The following HDX variants were observed in gnomAD, a reference collection of about 807,000 sequenced individuals.
HDX encodes chromosome X open reading frame 43.
Under a neutral mutation model 45.2 loss-of-function variants are expected in HDX, and 19 were observed. That is an observed-to-expected ratio of 0.42 (90% CI 0.29 to 0.62). The LOEUF (loss-of-function observed/expected upper bound fraction) is 0.62. HDX is among the 20% of genes least tolerant of loss of function. HDX has a pLI of 0.20. For missense variants in HDX, 532 were observed against 493.9 expected (o/e 1.08, Z -0.73); for synonymous variants, 188 against 172.8 (o/e 1.09, Z -0.69).
chrX:84,481,003 G>A (rs895599054), intron 2 of HDX, among the ~76,000 whole-genome samples: 20 of 111,240 alleles, frequency 1.8e-4, no homozygotes, highest in South Asian at 3.7e-4. Flanking sequence ...TTTGAAGTAC[G>A]AATTACATTT....
At chrX:84,353,700 C>T (rs2037411879) in intron 6 of HDX, among the ~76,000 whole-genome samples, 1 of 111,266 alleles carries the variant, frequency 9.0e-6, no homozygotes, top group Admixed American at 9.6e-5. Flanking sequence ...TTGTTACTGG[C>T]AGAGATTAGA....
intron 4 of HDX, among the ~76,000 whole-genome samples, chrX:84,454,911 A>G (rs2040080116): frequency 9.1e-6 from 1 of 110,434 alleles, no homozygotes; most frequent in African/African-American, 3.3e-5. Flanking sequence ...AAGGGAAGAG[A>G]ACAAGAGTCT....
intron 5 of HDX, among the ~76,000 whole-genome samples, chrX:84,407,634 T>C (rs1402758274): frequency 9.0e-6 from 1 of 111,730 alleles, no homozygotes; most frequent in East Asian, 2.8e-4. Context: ...AGAAATCATC[T>C]AATTGCTTTC....
chrX:84,430,941 G>C (rs1305067689), intron 5 of HDX, among the ~76,000 whole-genome samples: 1 of 110,116 alleles, frequency 9.1e-6, no homozygotes, highest in Non-Finnish European at 1.9e-5. Context: ...TATCACAGGG[G>C]TTTAGAGTAC....
At chrX:84,344,613 A>T in intron 6 of HDX, among the ~76,000 whole-genome samples, 156 bp from the exon 7 acceptor site, 1 of 111,586 alleles carries the variant, frequency 9.0e-6, no homozygotes, top group African/African-American at 3.3e-5. Flanking sequence ...CGCTAAAATA[A>T]AAATAATTGT....
chrX:84,490,783 T>C (rs2040878519), intron 1 of HDX, among the ~76,000 whole-genome samples: 1 of 111,423 alleles, frequency 9.0e-6, no homozygotes, highest in Non-Finnish European at 1.9e-5. Flanking sequence ...GTTACATATG[T>C]ATACTTTTAT....
chrX:84,333,069 GA>G (rs1309872776), intron 9 of HDX, among the ~76,000 whole-genome samples: 2 of 111,562 alleles, frequency 1.8e-5, no homozygotes, highest in East Asian at 5.7e-4. Context: ...TTTTGTGTAT[GA>G]AAAGGACTGT....
chrX:84,481,769 A>G (rs1426905458), intron 2 of HDX, among the ~76,000 whole-genome samples: 1 of 111,069 alleles, frequency 9.0e-6, no homozygotes, highest in Non-Finnish European at 1.9e-5. Flanking sequence ...TTACTTGGGT[A>G]TATTGGGTGA....
chrX:84,457,029 A>G (rs1021605093), intron 4 of HDX, among the ~76,000 whole-genome samples: 3 of 111,758 alleles, frequency 2.7e-5, no homozygotes, highest in Non-Finnish European at 5.7e-5. Flanking sequence ...AATAAATCTA[A>G]TAGTTATTTA....
intron 5 of HDX, among the ~76,000 whole-genome samples, chrX:84,438,180 C>A (rs1177955560): frequency 9.0e-6 from 1 of 110,811 alleles, no homozygotes; most frequent in Non-Finnish European, 1.9e-5. Flanking sequence ...TCCTCTAATT[C>A]CTGGAGTCCC....
intron 6 of HDX, among the ~76,000 whole-genome samples, chrX:84,345,468 A>C (rs1303357293): frequency 9.0e-6 from 1 of 111,460 alleles, no homozygotes; most frequent in Non-Finnish European, 1.9e-5. Context: ...TATCGAGCCC[A>C]TTCGTTTTTA....
intron 4 of HDX, among the ~76,000 whole-genome samples, chrX:84,449,688 A>G (rs2039953459): frequency 8.9e-6 from 1 of 112,443 alleles, no homozygotes; most frequent in African/African-American, 3.2e-5. Flanking sequence ...GAAGTGAAAG[A>G]CAATACTAGC....
chrX:84,395,965 T>C (rs2038551893), intron 5 of HDX, among the ~76,000 whole-genome samples: 1 of 112,161 alleles, frequency 8.9e-6, no homozygotes. Context: ...TCCTGAATTT[T>C]CTGATTCCTG....
intron 6 of HDX, among the ~76,000 whole-genome samples, chrX:84,353,040 T>C (rs1251258479): frequency 1.8e-5 from 2 of 111,679 alleles, no homozygotes; most frequent in Non-Finnish European, 3.8e-5. Flanking sequence ...TTGAGAGAAA[T>C]GAGTGATTAT....
intron 5 of HDX, among the ~76,000 whole-genome samples, chrX:84,394,449 C>T (rs867272391): frequency 1.9e-4 from 21 of 111,465 alleles, no homozygotes; most frequent in Admixed American, 9.5e-5. Flanking sequence ...TTTTATGTTT[C>T]GATAAGAAGA....
intron 2 of HDX, among the ~76,000 whole-genome samples, chrX:84,485,436 C>T (rs1420579685): frequency 8.9e-6 from 1 of 112,197 alleles, no homozygotes; most frequent in East Asian, 2.8e-4. Flanking sequence ...CATAGTCTCA[C>T]TCCATCACGC....
intron 6 of HDX, among the ~76,000 whole-genome samples, chrX:84,360,431 A>G (rs189589317): frequency 8.9e-6 from 1 of 112,159 alleles, no homozygotes; most frequent in Non-Finnish European, 1.9e-5. Context: ...TATTTAAAAC[A>G]CCACACAATT....
intron 1 of HDX, chrX:84,501,354 A>G (rs2041114399): frequency 9.0e-6 from 1 of 111,418 alleles, no homozygotes; most frequent in African/African-American, 3.3e-5. Flanking sequence ...TCAGCACCAA[A>G]CTTGATATGG....
chrX:84,381,703 A>G (rs2038192734), intron 5 of HDX, among the ~76,000 whole-genome samples: 1 of 111,799 alleles, frequency 8.9e-6, no homozygotes, highest in Non-Finnish European at 1.9e-5. Context: ...AAATCAAAAC[A>G]AAATGGCCTT....
Sources: gnomAD v4.1 joint callset for allele counts (sites outside exome capture counted in the v4.1 genomes callset) on GRCh38, gnomAD v4.1.1 for gene constraint, MANE v1.5 for transcripts, NCBI Gene and HGNC (gene_info 2026-07-23, HGNC 2026-07-21) for gene names.